The following C2CD3 variants were observed in gnomAD, a reference collection of about 807,000 sequenced individuals.
The protein encoded by C2CD3 is C2 domain containing 3 centriole elongation regulator.
Under a neutral mutation model 234.0 loss-of-function variants are expected in C2CD3, and 148 were observed. That is an observed-to-expected ratio of 0.63 (90% CI 0.55 to 0.72). The LOEUF is 0.72. C2CD3 is among the 30% of genes least tolerant of loss of function. C2CD3 has a pLI of 0.00. For synonymous variants in C2CD3, 1,000 were observed against 1,035.4 expected, an observed-to-expected ratio of 0.97 and a Z score of 0.66; for missense variants, 2,577 against 2,811.5, an observed-to-expected ratio of 0.92 and a Z score of 1.89.
intron 24 of C2CD3, among the ~76,000 whole-genome samples, chr11:74,065,283 C>T (rs1215828711): frequency 1.3e-5 from 2 of 152,166 alleles, no homozygotes; most frequent in African/African-American, 2.4e-5. Context: ...CAAAAGAAGA[C>T]ATTTATGCAG....
chr11:74,127,932 G>C (rs1263144013), intron 7 of C2CD3, among the ~76,000 whole-genome samples: 1 of 151,344 alleles, frequency 6.6e-6, no homozygotes, highest in African/African-American at 2.4e-5. Flanking sequence ...GCGCGATCTC[G>C]GCTCACTGCA....
Position 74,093,869 on chromosome 11 carries a change from GA to G in C2CD3, c.3290del (p.Phe1097SerfsTer25). ...VPVQRLLLSAFSAQGLVPGGG... is the reference protein window; with the variant it reads ...VPVQRLLLSAXSAQGLVPGGG... ...CTCCAGGCACGAGGCCCTGTGCAGA[GA>G]AAGCACTTAGTAGGAGCCTTTGCAC... On this transcript the variant is annotated frameshift_variant, in exon 18 of 33. Transcript: ENST00000334126. LOFTEE classifies it high-confidence loss of function. 5 of 1,614,106 alleles carry G rather than the reference GA, an allele frequency of 3.1e-6. No individual in the cohort carries two copies. In the South Asian group the frequency reaches 5.5e-5, roughly 18 times the overall value.
chr11:74,124,596 A>G (rs1037443322), intron 7 of C2CD3, among the ~76,000 whole-genome samples: 1 of 152,114 alleles, frequency 6.6e-6, no homozygotes, highest in South Asian at 2.1e-4. Context: ...CTTGAAAACC[A>G]TCAATCTATA....
intron 24 of C2CD3, among the ~76,000 whole-genome samples, chr11:74,065,390 G>A (rs559748124): frequency 3.3e-5 from 5 of 152,046 alleles, no homozygotes; most frequent in Non-Finnish European, 5.9e-5. Context: ...TTAGAATGGC[G>A]ATCATTAAAA....
chr11:74,143,791 G>A (rs182055662), intron 3 of C2CD3, among the ~76,000 whole-genome samples: 63 of 152,110 alleles, frequency 4.1e-4, no homozygotes, highest in Non-Finnish European at 7.8e-4. Flanking sequence ...AGGTGATGCA[G>A]GCCTTAAAAT....
At chr11:74,094,662 A>G (rs542294506) in intron 17 of C2CD3, among the ~76,000 whole-genome samples, 2 of 152,278 alleles carry the variant, frequency 1.3e-5, no homozygotes, top group Admixed American at 6.5e-5. Flanking sequence ...TTGAATCCCA[A>G]CCTTGGCACT....
intron 7 of C2CD3, among the ~76,000 whole-genome samples, chr11:74,131,758 G>C (rs555932191): frequency 1.8e-4 from 27 of 152,004 alleles, no homozygotes; most frequent in Admixed American, 2.6e-4. Flanking sequence ...TGTTAGTAGA[G>C]ACAGGGTTTC....
rs1016603058 is a variant in C2CD3 at position 74,028,465 on chromosome 11, T to G, written c.6810-67A>C. On this transcript the variant is annotated intron_variant, in intron 31 of 32. Coordinates refer to ENST00000334126, the MANE Select transcript of C2CD3 (RefSeq NM_001286577.2). ...CCCTCTTGCAGTGGAGGCCAGCATCTCCACTGACCATTCACTCTGCCCCCA... is the reference window on the plus strand; with the variant it reads ...CCCTCTTGCAGTGGAGGCCAGCATCGCCACTGACCATTCACTCTGCCCCCA... 1.5e-5 allele frequency: 14 copies of G among 920,010 alleles called. No homozygotes were observed. The African/African-American group carries it at 2.3e-4, about 15-fold the overall frequency. The allele number at this position is 920,010 out of a possible 1,614,324, so 57.0% of individuals were successfully genotyped here.
Position 74,098,088 on chromosome 11 carries a change from T to C in C2CD3, c.2900A>G (p.Asn967Ser), listed in dbSNP as rs777109415. The stretch of plus-strand genomic sequence containing the variant: ...GAAGGGAGGGAGTGTTCCTTCTTCA[T>C]TCTTTAATCTTTGTAGTGCCATTAT... ...NQIMALQRLK[N>S]EEGTLPPFSP... The change falls in exon 16 of 33, where the codon AAT (asparagine) becomes AGT (serine). Residue 967 changes from asparagine (N) to serine (S), a missense_variant. Coordinates refer to ENST00000334126, the MANE Select transcript of C2CD3 (RefSeq NM_001286577.2). The C allele has an allele frequency of 3.1e-6, 5 of 1,614,088 alleles. No homozygotes were observed. The highest frequency in any genetic ancestry group is 4.2e-6 in the Non-Finnish European group (5 of 1,179,920).
At chr11:74,130,406 T>C (rs904210795) in intron 7 of C2CD3, among the ~76,000 whole-genome samples, 1 of 151,766 alleles carries the variant, frequency 6.6e-6, no homozygotes, top group African/African-American at 2.4e-5. Context: ...TTTTTATTTT[T>C]ATTTTTTGTA....
At chr11:74,106,034 G>A (rs1037413963) in intron 13 of C2CD3, among the ~76,000 whole-genome samples, 2 of 152,040 alleles carry the variant, frequency 1.3e-5, no homozygotes, top group African/African-American at 4.8e-5. Context: ...ATCCCTTGAT[G>A]ACTCCAAGCC....
chr11:74,148,105 A>C (rs902551011), intron 3 of C2CD3, among the ~76,000 whole-genome samples: 2 of 152,102 alleles, frequency 1.3e-5, no homozygotes, highest in African/African-American at 4.8e-5. Flanking sequence ...TATCAAAACT[A>C]TTTTGCCAAG....
At chr11:74,028,131 G>A (rs1446359251) in intron 32 of C2CD3, among the ~76,000 whole-genome samples, 156 bp downstream of exon 32, 1 of 152,140 alleles carries the variant, frequency 6.6e-6, no homozygotes, top group African/African-American at 2.4e-5. Flanking sequence ...CCTGCCCACT[G>A]CTGGGCCCAC....
chr11:74,094,234 G>A lies in C2CD3; in HGVS notation c.3161-235C>T, dbSNP rs116441652. Among the ~76,000 whole-genome samples the A allele has an allele frequency of 8.5e-3, 1,259 of 147,768 alleles. 10 individuals are homozygous for A. Among genetic ancestry groups the A allele is most frequent in the African/African-American group, 0.029 (1,162 of 39,888 alleles). ...TTTTTTTTTAATTATAGCCACCTTA[G>A]CTAGTATGAAATGGTATCTTGGTAG... is the stretch of plus-strand genomic sequence containing the variant. On this transcript the variant is annotated intron_variant, in intron 17 of 32. Coordinates refer to ENST00000334126, the MANE Select transcript of C2CD3 (RefSeq NM_001286577.2).
intron 7 of C2CD3, among the ~76,000 whole-genome samples, chr11:74,131,170 T>G (rs1254460089): frequency 6.6e-6 from 1 of 151,484 alleles, no homozygotes; most frequent in African/African-American, 2.4e-5. Flanking sequence ...TCTATTGATA[T>G]GGTGAGGCCA....
At chr11:74,091,015 A>G (rs1955871903) in intron 19 of C2CD3, 79 bp from the exon 20 acceptor site, 1 of 1,439,042 alleles carries the variant, frequency 6.9e-7, no homozygotes, top group African/African-American at 1.4e-5. Context: ...TTGGTCAGGA[A>G]GGATGGAAGA....
At chr11:74,042,351 C>G in intron 28 of C2CD3, 133 bp from the exon 29 acceptor site, 1 of 883,266 alleles carries the variant, frequency 1.1e-6, no homozygotes, top group Non-Finnish European at 1.7e-6. Flanking sequence ...ACAGTTCTGG[C>G]CTTATCATCT....
At chr11:74,097,150 A>G (rs201125309) in intron 16 of C2CD3, among the ~76,000 whole-genome samples, 3 of 75,944 alleles carry the variant, frequency 4.0e-5, no homozygotes, top group Admixed American at 2.0e-4. Context: ...CCTCACCTCG[A>G]AAAAAAAAAA....
At chr11:74,154,281 A>C (rs1393253472) in intron 3 of C2CD3, among the ~76,000 whole-genome samples, 1 of 152,150 alleles carries the variant, frequency 6.6e-6, no homozygotes, top group Non-Finnish European at 1.5e-5. Flanking sequence ...TTGAAAGAAA[A>C]ACTTCTGTTT....
Sources: gnomAD v4.1 joint callset for allele counts (sites outside exome capture counted in the v4.1 genomes callset) on GRCh38, gnomAD v4.1.1 for gene constraint, MANE v1.5 for transcripts, NCBI Gene and HGNC (gene_info 2026-07-23, HGNC 2026-07-21) for gene names.